The following TSPAN11 variants were observed in gnomAD, a reference collection of about 807,000 sequenced individuals.
TSPAN11 encodes the protein tetraspanin-11.
Under a neutral mutation model 32.9 loss-of-function variants are expected in TSPAN11, and 29 were observed. The observed-to-expected ratio is 0.88, with a 90% CI of 0.66 to 1.20. The LOEUF is 1.20. Among genes scored for constraint, TSPAN11 ranks in the 50% most tolerant of loss-of-function variants. The probability of loss-of-function intolerance (pLI) is 0.00; values close to 1 mark genes in which losing one functional copy is unlikely to be tolerated. For missense variants in TSPAN11, 283 were observed against 329.1 expected, an observed-to-expected ratio of 0.86 and a Z score of 1.08; for synonymous variants, 140 against 141.3, an observed-to-expected ratio of 0.99 and a Z score of 0.07.
intron 3 of TSPAN11, among the ~76,000 whole-genome samples, chr12:30,965,099 G>A (rs552750879): frequency 3.3e-5 from 5 of 152,326 alleles, no homozygotes; most frequent in African/African-American, 7.2e-5. Flanking sequence ...GGCACGTGAC[G>A]TGACTGAATA....
At chr12:30,966,412 C>T (rs996263999) in intron 3 of TSPAN11, among the ~76,000 whole-genome samples, 2 of 152,138 alleles carry the variant, frequency 1.3e-5, no homozygotes, top group Non-Finnish European at 2.9e-5. Context: ...AAGAAAAATG[C>T]GAAGTTTTAA....
chr12:30,927,320 C>G (rs546632662), intron 1 of TSPAN11, among the ~76,000 whole-genome samples: 68 of 152,366 alleles, frequency 4.5e-4, no homozygotes, highest in Non-Finnish European at 4.6e-4. Context: ...TGTGTAGGCC[C>G]TGTCACCTGT....
At chr12:31,001,514 C>G (rs948726079), downstream of TSPAN11, among the ~76,000 whole-genome samples, 3 of 152,244 alleles carry the variant, frequency 2.0e-5, no homozygotes, top group Non-Finnish European at 4.4e-5. Context: ...GGTACTGTGT[C>G]TGCATCTTCC....
intron 3 of TSPAN11, among the ~76,000 whole-genome samples, chr12:30,967,056 T>G (rs1938748127): frequency 6.6e-6 from 1 of 152,172 alleles, no homozygotes; most frequent in South Asian, 2.1e-4. Context: ...TGGAGAATAG[T>G]GTAATCATAG....
At chr12:30,949,022 T>G (rs1424170972) in intron 1 of TSPAN11, among the ~76,000 whole-genome samples, 1 of 152,214 alleles carries the variant, frequency 6.6e-6, no homozygotes, top group African/African-American at 2.4e-5. Flanking sequence ...ACGGACAAAA[T>G]GCTGGCAGTC....
chr12:31,007,279 A>G, the TSPAN11 span, among the ~76,000 whole-genome samples: 12,758 of 152,092 alleles, frequency 0.084, 750 homozygotes, highest in South Asian at 0.21. Context: ...AGTGATGGGG[A>G]CAGGTGGGGG....
At chr12:30,950,849 T>C (rs1267672332) in intron 1 of TSPAN11, among the ~76,000 whole-genome samples, 6 of 152,220 alleles carry the variant, frequency 3.9e-5, no homozygotes, top group Admixed American at 1.3e-4. Context: ...CACACACACA[T>C]TGAGGATACC....
chr12:30,941,281 T>C (rs1045406468), intron 1 of TSPAN11, among the ~76,000 whole-genome samples: 1 of 152,252 alleles, frequency 6.6e-6, no homozygotes, highest in Non-Finnish European at 1.5e-5. Context: ...TTTGCTATAC[T>C]TGGGGATCTT....
chr12:30,988,878 C>T (rs887757636), intron 7 of TSPAN11, among the ~76,000 whole-genome samples: 14 of 152,218 alleles, frequency 9.2e-5, no homozygotes, highest in African/African-American at 2.9e-4. Flanking sequence ...AGCTTCCCCT[C>T]TTGTGGGTGG....
chr12:30,992,077 T>TACG lies in TSPAN11; in HGVS notation c.*162_*163insACG. The TACG allele has an allele frequency of 1.3e-6, 1 of 746,616 alleles. No individual in the cohort carries two copies. The highest frequency in any genetic ancestry group is 2.3e-6 in the Non-Finnish European group (1 of 442,478). The allele number at this position is 746,616 out of a possible 1,614,324, so 46.2% of individuals were successfully genotyped here. A position where few individuals can be genotyped will look rare whatever the true frequency, so the allele number is the denominator to read the frequency against. On this transcript the variant is annotated 3_prime_UTR_variant, in exon 8 of 8. Transcript: ENST00000546076. ...ACCGAGTGCCTGAGACCATAGCTTC[T>TACG]GTGCCCACCCAGGCAGAGACCCTCG...
rs775428465 is a variant in TSPAN11 at position 30,963,868 on chromosome 12, GTGGAGA to G, written c.128_133del (p.Val43_Lys45delinsGlu). 7 of 1,612,058 alleles carry G rather than the reference GTGGAGA, an allele frequency of 4.3e-6. No homozygotes were observed. In the East Asian group the frequency reaches 1.6e-4, roughly 36 times the overall value. On this transcript the variant is annotated inframe_deletion, in exon 3 of 8. Transcript: ENST00000546076. ...CCTGGCTGTGGGCATCTGGACCCTGGTGGAGAAGAGTGGCTACCTCAGCGTCCTGGC... is the reference window on the plus strand; with the variant it reads ...CCTGGCTGTGGGCATCTGGACCCTGGAGAGTGGCTACCTCAGCGTCCTGGC...
intron 3 of TSPAN11, among the ~76,000 whole-genome samples, chr12:30,973,866 C>A (rs1036561451): frequency 1.3e-5 from 2 of 152,202 alleles, no homozygotes; most frequent in Non-Finnish European, 2.9e-5. Context: ...AACCCTAACA[C>A]AAACCTTATG....
chr12:30,950,438 AC>A (rs1938360124), intron 1 of TSPAN11, among the ~76,000 whole-genome samples: 1 of 152,230 alleles, frequency 6.6e-6, no homozygotes, highest in Non-Finnish European at 1.5e-5. Context: ...GGGCAGTTGT[AC>A]AGTCAGAATT....
At chr12:31,002,599 G>A in the TSPAN11 span, among the ~76,000 whole-genome samples, 37 of 152,258 alleles carry the variant, frequency 2.4e-4, no homozygotes, top group African/African-American at 8.4e-4. This position sits in a 1 kb window ranked among gnomAD's most constrained non-coding sequence, Gnocchi z 4.8. Flanking sequence ...CTGGACTACT[G>A]CCTCACTGCA....
At chr12:30,938,576 C>T (rs1305782693) in intron 1 of TSPAN11, among the ~76,000 whole-genome samples, 2 of 152,208 alleles carry the variant, frequency 1.3e-5, no homozygotes, top group Non-Finnish European at 2.9e-5. Flanking sequence ...CAGACTGTGC[C>T]TTGCACAATT....
At chr12:30,959,926 G>A (rs2140289833) in intron 2 of TSPAN11, among the ~76,000 whole-genome samples, 1 of 150,010 alleles carries the variant, frequency 6.7e-6, no homozygotes, top group South Asian at 2.1e-4. Flanking sequence ...GGGAGCTGGT[G>A]GGGACTTCTC....
intron 5 of TSPAN11, among the ~76,000 whole-genome samples, chr12:30,980,423 G>C (rs1162407414): frequency 6.6e-6 from 1 of 152,188 alleles, no homozygotes; most frequent in African/African-American, 2.4e-5. Context: ...ACAGATGTAG[G>C]ATGCTGCCTT....
intron 1 of TSPAN11, among the ~76,000 whole-genome samples, chr12:30,936,680 A>G (rs756128566): frequency 4.6e-5 from 7 of 152,160 alleles, no homozygotes; most frequent in Non-Finnish European, 1.0e-4. Flanking sequence ...TCACTTACTG[A>G]GATTAGAAAT....
intron 1 of TSPAN11, among the ~76,000 whole-genome samples, chr12:30,939,413 A>G (rs1330490392): frequency 6.6e-6 from 1 of 152,138 alleles, no homozygotes; most frequent in Admixed American, 6.6e-5. Flanking sequence ...TGGTTTCTCA[A>G]GGCCATAAAA....
Sources: gnomAD v4.1 joint callset for allele counts (sites outside exome capture counted in the v4.1 genomes callset) on GRCh38, gnomAD v4.1.1 for gene constraint, Gnocchi (gnomAD v3.1) non-coding constraint, MANE v1.5 for transcripts, NCBI Gene and HGNC (gene_info 2026-07-23, HGNC 2026-07-21) for gene names.